Variants in PCDHAC1 observed in about 807,000 individuals in gnomAD.
PCDHAC1 encodes protocadherin alpha-C1.
In PCDHAC1, 42 loss-of-function variants were observed where a neutral mutation model predicts 60.0. That is an observed-to-expected ratio of 0.70 (90% CI 0.55 to 0.90). The LOEUF is 0.90. Among genes scored for constraint, PCDHAC1 ranks in the 40% least tolerant of loss-of-function variants. PCDHAC1 has a pLI of 0.00. For missense variants in PCDHAC1, 1,160 were observed against 1,222.3 expected, an observed-to-expected ratio of 0.95 and a Z score of 0.76; for synonymous variants, 468 against 499.3, an observed-to-expected ratio of 0.94 and a Z score of 0.84.
At chr5:140,976,782 A>G (rs1209900673) in intron 1 of PCDHAC1, among the ~76,000 whole-genome samples, 1 of 152,212 alleles carries the variant, frequency 6.6e-6, no homozygotes, top group African/African-American at 2.4e-5. Flanking sequence ...CTGACTATAT[A>G]GCTACGCTTT....
At chr5:140,931,323 T>A (rs912582961) in intron 1 of PCDHAC1, among the ~76,000 whole-genome samples, 1 of 152,110 alleles carries the variant, frequency 6.6e-6, no homozygotes, top group Non-Finnish European at 1.5e-5. Context: ...CAGTAATGGC[T>A]GTAAAGTTTG....
intron 1 of PCDHAC1, among the ~76,000 whole-genome samples, chr5:140,944,214 G>T (rs72801002): frequency 0.015 from 2,290 of 152,232 alleles, 30 homozygotes; most frequent in Non-Finnish European, 0.021. Context: ...TTTAAAGAGG[G>T]TTTTACTCTG....
In PCDHAC1 at chr5:140,928,603, C is replaced by A; in HGVS notation, c.1711C>A (p.Pro571Thr). 1.2e-6 allele frequency: 2 copies of A among 1,614,208 alleles called. No individual in the cohort carries two copies. Among genetic ancestry groups the A allele is most frequent in the South Asian group, 2.2e-5 (2 of 91,084 alleles). The part of the protein sequence containing the change: ...RNGSVPVEIV[P>T]RSARTGHLVT... ...TGGTTCTGTCCCAGTGGAAATTGTG[C>A]CCCGCTCTGCCAGGACTGGACACTT... is the stretch of plus-strand genomic sequence containing the variant. Residue 571 changes from proline to threonine, a missense_variant, in exon 1 of 4, where the codon CCC (proline) becomes ACC (threonine). Around this residue, in one of 3 missense-constraint regions of PCDHAC1, gnomAD observed 1,113 missense variants for 1,163.7 expected, o/e 0.96. Transcript: ENST00000253807.
At chr5:140,941,222 T>TCTTC (rs2092907237) in intron 1 of PCDHAC1, among the ~76,000 whole-genome samples, 2 of 116,858 alleles carry the variant, frequency 1.7e-5, no homozygotes, top group Non-Finnish European at 3.8e-5. Flanking sequence ...TTCCTTTCTT[T>TCTTC]CTTTCTTTCT....
rs545409584 is a variant in PCDHAC1, at chr5:140,952,105, G to A, written c.2433+22780G>A. 3.3e-5 allele frequency among the ~76,000 whole-genome samples: 5 copies of A among 152,218 alleles called. 1 individual carries two copies. Among genetic ancestry groups the A allele is most frequent in the African/African-American group, 4.8e-5 (2 of 41,536 alleles). ...CATGTCTCACATCCAGGGCACACTC[G>A]TGTGAGGGATGGGCTCCCAAGGCCT... is the stretch of plus-strand genomic sequence containing the variant. On this transcript the variant is annotated intron_variant, in intron 1 of 3. Coordinates refer to ENST00000253807, the MANE Select transcript of PCDHAC1 (RefSeq NM_018898.5).
At chr5:140,935,908 T>TG (rs2090628873) in intron 1 of PCDHAC1, among the ~76,000 whole-genome samples, 1 of 151,636 alleles carries the variant, frequency 6.6e-6, no homozygotes, top group Non-Finnish European at 1.5e-5. Context: ...TTTTTTTTTT[T>TG]TTGAGACAGA....
At chr5:140,987,480 A>C (rs1489888830) in intron 3 of PCDHAC1, among the ~76,000 whole-genome samples, 2 of 152,192 alleles carry the variant, frequency 1.3e-5, no homozygotes, top group African/African-American at 4.8e-5. Flanking sequence ...CTTGGGAGTC[A>C]GTGACCCTTT....
chr5:140,978,652 C>T (rs555324579), intron 1 of PCDHAC1, among the ~76,000 whole-genome samples: 2 of 152,320 alleles, frequency 1.3e-5, no homozygotes, highest in East Asian at 1.9e-4. Flanking sequence ...CTGTTCTTCC[C>T]GTAGTGTTTT....
At chr5:140,966,246 G>T (rs184430396) in intron 1 of PCDHAC1, 5 of 319,412 alleles carry the variant, frequency 1.6e-5, no homozygotes, top group African/African-American at 6.4e-5. Flanking sequence ...TTAAGCAGGG[G>T]AGAGACGGTG....
In PCDHAC1 at chr5:140,928,306, C is replaced by T. The variant is rs782598364; in HGVS notation, c.1414C>T (p.Pro472Ser). 7.6e-5 allele frequency: 122 copies of T among 1,613,984 alleles called. No individual in the cohort carries two copies. The highest frequency in any genetic ancestry group is 1.8e-4 in the Admixed American group (11 of 60,002). ...ASLGRVFAQDPDLGKNGLVSY... is the reference protein window; with the variant it reads ...ASLGRVFAQDSDLGKNGLVSY... ...TCTAGGCCGAGTGTTTGCCCAGGAC[C>T]CCGACCTGGGGAAGAATGGCCTTGT... is the stretch of plus-strand genomic sequence containing the variant. The change falls in exon 1 of 4, where the codon CCC becomes TCC. Residue 472 changes from proline to serine, a missense_variant. By Grantham distance (74) the Pro-to-Ser change is moderately conservative. This residue lies in a region of PCDHAC1 where 1,113 missense variants were observed against 1,163.7 expected (regional missense o/e 0.96). Coordinates refer to ENST00000253807, the MANE Select transcript of PCDHAC1 (RefSeq NM_018898.5).
chr5:141,000,399 A>C (rs77386673), intron 3 of PCDHAC1, among the ~76,000 whole-genome samples: 2,158 of 66,344 alleles, frequency 0.033, 38 homozygotes, highest in Non-Finnish European at 0.044. Context: ...CTCTCTCTAT[A>C]TATATATATA....
At chr5:140,988,877 G>A (rs372950279) in intron 3 of PCDHAC1, 8 of 152,310 alleles carry the variant, frequency 5.3e-5, no homozygotes, top group East Asian at 3.9e-4. Context: ...TCAGATGTAC[G>A]ATCCTGGATA....
At chr5:141,004,367 T>C (rs1281168288) in intron 3 of PCDHAC1, among the ~76,000 whole-genome samples, 5 of 152,198 alleles carry the variant, frequency 3.3e-5, no homozygotes, top group Non-Finnish European at 5.9e-5. Context: ...CCACACCTTG[T>C]TCTGCTCTGC....
intron 3 of PCDHAC1, among the ~76,000 whole-genome samples, chr5:141,004,289 CAG>C (rs1383902638): frequency 1.3e-5 from 2 of 152,130 alleles, no homozygotes; most frequent in Non-Finnish European, 2.9e-5. Context: ...GCTGAGCTCT[CAG>C]AGATGTTTGT....
At chr5:141,000,899 C>T (rs1013993633) in intron 3 of PCDHAC1, among the ~76,000 whole-genome samples, 18 of 151,966 alleles carry the variant, frequency 1.2e-4, no homozygotes, top group African/African-American at 2.7e-4. Flanking sequence ...CAGATATAGA[C>T]GCTGTCTCTA....
chr5:140,932,346 A>C (rs529573484), intron 1 of PCDHAC1, among the ~76,000 whole-genome samples: 1 of 151,954 alleles, frequency 6.6e-6, no homozygotes, highest in African/African-American at 2.4e-5. Context: ...AACACTTACC[A>C]TACAACTGGC....
chr5:140,941,202 C>CCTTTCTTCCTTCCTTT (rs1394736170), intron 1 of PCDHAC1, among the ~76,000 whole-genome samples: 7 of 122,740 alleles, frequency 5.7e-5, no homozygotes, highest in African/African-American at 1.5e-4. Context: ...TTTCTTTCTT[C>CCTTTCTTCCTTCCTTT]CTTTCTTTCT....
intron 1 of PCDHAC1, among the ~76,000 whole-genome samples, chr5:140,936,367 A>G (rs1347774517): frequency 2.0e-5 from 3 of 152,348 alleles, no homozygotes; most frequent in East Asian, 1.9e-4. Flanking sequence ...GCTACTGAGC[A>G]CTTGAAATGT....
intron 1 of PCDHAC1, among the ~76,000 whole-genome samples, chr5:140,965,278 C>T (rs1554227554): frequency 6.6e-6 from 1 of 152,176 alleles, no homozygotes; most frequent in African/African-American, 2.4e-5. Flanking sequence ...AATGACACAG[C>T]ATGGAAAGAT....
Sources: allele counts gnomAD v4.1 joint callset (sites outside exome capture counted in the v4.1 genomes callset), GRCh38; gene constraint gnomAD v4.1.1; regional missense constraint gnomAD v4.1.1; transcripts MANE v1.5; gene names NCBI Gene and HGNC (gene_info 2026-07-23, HGNC 2026-07-21).